YY1: variants seen among roughly 807,000 people sequenced by gnomAD.
YY1 encodes the protein YY1 transcription factor.
A neutral mutation model predicts 35.6 loss-of-function variants in YY1; 2 were observed. The observed-to-expected ratio is 0.06, with a 90% CI of 0.02 to 0.18. The LOEUF is 0.18. YY1 is among the 10% of genes least tolerant of loss of function. The pLI is 1.00. For missense variants in YY1, 322 were observed against 573.4 expected (o/e 0.56, Z 4.48); for synonymous variants, 268 against 238.9 (o/e 1.12, Z -1.12).
At chr14:100,260,424 AATATATATAT>A (rs59427565) in intron 1 of YY1, among the ~76,000 whole-genome samples, 2 of 141,280 alleles carry the variant, frequency 1.4e-5, no homozygotes, top group South Asian at 2.2e-4. Flanking sequence ...TGAATATATG[AATATATATAT>A]ATATATATAT....
intron 1 of YY1, among the ~76,000 whole-genome samples, chr14:100,240,230 C>G (rs1890710123): frequency 7.0e-6 from 1 of 143,804 alleles, no homozygotes; most frequent in East Asian, 2.0e-4. Flanking sequence ...CGCTCGCTCC[C>G]CGACGCCCTC....
rs909533360 is a variant in YY1 at position 100,279,560 on chromosome 14, G to T, written c.*1960G>T. ...CCCAGCTGTTTTCTGGGTAAGCCAGGCTTTGCTGTATCTGGCAGTCAGGAG... is the reference window on the plus strand; with the variant it reads ...CCCAGCTGTTTTCTGGGTAAGCCAGTCTTTGCTGTATCTGGCAGTCAGGAG... On this transcript the variant is annotated 3_prime_UTR_variant, in exon 5 of 5. Coordinates refer to ENST00000262238, the MANE Select transcript of YY1 (RefSeq NM_003403.5). 4 of 152,278 alleles carry T rather than the reference G, an allele frequency of 2.6e-5. No individual in the cohort carries two copies. Among genetic ancestry groups the T allele is most frequent in the Non-Finnish European group, 5.9e-5 (4 of 68,058 alleles). The allele number at this position is 152,278 out of a possible 1,614,324, so 9.4% of individuals were successfully genotyped here.
At chr14:100,248,864 A>G (rs1454199404) in intron 1 of YY1, among the ~76,000 whole-genome samples, 4 of 149,470 alleles carry the variant, frequency 2.7e-5, no homozygotes, top group African/African-American at 7.4e-5. Flanking sequence ...ATTTTTTTGT[A>G]TTTTTGGTAG....
chr14:100,265,766 A>G (rs952396888), intron 2 of YY1, among the ~76,000 whole-genome samples: 5 of 149,474 alleles, frequency 3.3e-5, no homozygotes, highest in Non-Finnish European at 4.4e-5. Context: ...CTCATGCCTC[A>G]GCCTCCCAAG....
intron 2 of YY1, among the ~76,000 whole-genome samples, chr14:100,267,015 G>A (rs1473545094): frequency 6.6e-6 from 1 of 152,206 alleles, no homozygotes; most frequent in Non-Finnish European, 1.5e-5. Flanking sequence ...ATTCCATTTA[G>A]AATAGAAAGT....
chr14:100,266,939 A>T (rs1279631006), intron 2 of YY1, among the ~76,000 whole-genome samples: 1 of 152,194 alleles, frequency 6.6e-6, no homozygotes, highest in African/African-American at 2.4e-5. Context: ...GAGGATGAAC[A>T]TCAGAAGGAA....
intron 1 of YY1, among the ~76,000 whole-genome samples, chr14:100,251,457 A>G (rs1024289736): frequency 6.6e-6 from 1 of 152,270 alleles, no homozygotes; most frequent in African/African-American, 2.4e-5. Context: ...ATAAGAGAAT[A>G]AATTCCTGTT....
At chr14:100,239,947 GC>G in intron 1 of YY1, 24 bp downstream of exon 1, 1 of 1,512,186 alleles carries the variant, frequency 6.6e-7, no homozygotes. Context: ...GCGCGCCCCG[GC>G]CCCGGGATGT....
chr14:100,253,812 TTTA>T (rs1164467791), intron 1 of YY1, among the ~76,000 whole-genome samples: 2 of 151,948 alleles, frequency 1.3e-5, no homozygotes, highest in African/African-American at 2.4e-5. Context: ...AACAAAGATT[TTTA>T]TTATTATTAT....
At chr14:100,244,971 C>G (rs925955907) in intron 1 of YY1, among the ~76,000 whole-genome samples, 1 of 151,812 alleles carries the variant, frequency 6.6e-6, no homozygotes, top group African/African-American at 2.4e-5. Flanking sequence ...GAATCTCGCT[C>G]TGTCACCCAG....
At chr14:100,273,618 G>T (rs1292435535) in intron 2 of YY1, among the ~76,000 whole-genome samples, 6 of 151,640 alleles carry the variant, frequency 4.0e-5, no homozygotes, top group Non-Finnish European at 7.4e-5. Flanking sequence ...TCCCAGTTTG[G>T]CCTCCCAAAG....
chr14:100,268,656 A>G lies in YY1; in HGVS notation c.843-6042A>G, dbSNP rs1891189206. ...CACAACTCTTCAGTATCATCACATG[A>G]ATATTAATATTTAAGAGATAATTCA... On this transcript the variant is annotated intron_variant, in intron 2 of 4. Transcript: ENST00000262238. Among the ~76,000 whole-genome samples, 4 of 152,348 alleles carry G rather than the reference A, an allele frequency of 2.6e-5. No homozygotes were observed. In the South Asian group the frequency reaches 8.3e-4, roughly 32 times the overall value.
intron 1 of YY1, among the ~76,000 whole-genome samples, chr14:100,240,722 C>T (rs1214304452): frequency 6.6e-6 from 1 of 152,224 alleles, no homozygotes; most frequent in African/African-American, 2.4e-5. Context: ...GCCTTTTCGC[C>T]TTCCTGCGGT....
At chr14:100,265,514 C>G (rs1398801033) in intron 2 of YY1, 1 of 152,274 alleles carries the variant, frequency 6.6e-6, no homozygotes, top group Non-Finnish European at 1.5e-5. Flanking sequence ...TGCTTTTAGC[C>G]ACTGCTCATT....
Position 100,239,789 on chromosome 14 carries a change from A to G in YY1, c.545A>G (p.Lys182Arg), listed in dbSNP as rs1247141189. The G allele has an allele frequency of 1.3e-6, 2 of 1,551,116 alleles. No individual in the cohort carries two copies. The highest frequency in any genetic ancestry group is 1.2e-5 in the South Asian group (1 of 86,486). The change falls in exon 1 of 5, where the codon AAG becomes AGG. Residue 182 changes from lysine to arginine, a missense_variant. Around this residue, in one of 4 missense-constraint regions of YY1, gnomAD observed 152 missense variants for 167.1 expected, o/e 0.91. Coordinates refer to ENST00000262238, the MANE Select transcript of YY1 (RefSeq NM_003403.5). Reference sequence around the variant, plus strand: ...AAGGGCGGCGGCAAGAAGAGCGGCAAGAAGAGTTACCTCAGCGGCGGGGCC... The same window carrying G: ...AAGGGCGGCGGCAAGAAGAGCGGCAGGAAGAGTTACCTCAGCGGCGGGGCC... ...VKKGGGKKSG[K>R]KSYLSGGAGA...
At chr14:100,272,588 A>G (rs1891257715) in intron 2 of YY1, among the ~76,000 whole-genome samples, 3 of 152,024 alleles carry the variant, frequency 2.0e-5, no homozygotes, top group South Asian at 2.1e-4. Context: ...TTTTGTAACA[A>G]AAGAGTGGTG....
At chr14:100,258,658 G>A (rs1025208510) in intron 1 of YY1, among the ~76,000 whole-genome samples, 1 of 152,188 alleles carries the variant, frequency 6.6e-6, no homozygotes, top group Non-Finnish European at 1.5e-5. Flanking sequence ...CGGCCCTCAT[G>A]AGTTTACATC....
intron 1 of YY1, among the ~76,000 whole-genome samples, chr14:100,261,548 C>G (rs1366250241): frequency 1.3e-5 from 2 of 152,160 alleles, no homozygotes; most frequent in African/African-American, 4.8e-5. Flanking sequence ...TCTGTAAATG[C>G]ACGGGATCAA....
At chr14:100,260,648 A>G (rs1891071036) in intron 1 of YY1, among the ~76,000 whole-genome samples, 3 of 148,606 alleles carry the variant, frequency 2.0e-5, no homozygotes, top group South Asian at 2.1e-4. Context: ...AATTTTTTGT[A>G]TTTTAGTAGA....
Sources: gnomAD v4.1 joint callset for allele counts (sites outside exome capture counted in the v4.1 genomes callset) on GRCh38, gnomAD v4.1.1 for gene constraint, gnomAD v4.1.1 regional missense constraint, MANE v1.5 for transcripts, NCBI Gene and HGNC (gene_info 2026-07-23, HGNC 2026-07-21) for gene names.